IFI16: variants seen among roughly 807,000 people sequenced by gnomAD.
IFI16 encodes the protein interferon gamma inducible protein 16, also known as gamma-interferon-inducible protein 16.
IFI16 carries 49 observed loss-of-function variants against 68.4 expected under a neutral mutation model. That is an observed-to-expected ratio of 0.72 (90% confidence interval 0.57 to 0.91). IFI16 has a LOEUF of 0.91. Ranked by LOEUF, IFI16 falls within the 40% of genes least tolerant of loss-of-function variation. The probability of loss-of-function intolerance (pLI) is 0.00; values close to 1 mark genes in which losing one functional copy is unlikely to be tolerated. For synonymous variants in IFI16, 307 were observed against 315.0 expected, an observed-to-expected ratio of 0.97 and a Z score of 0.27; for missense variants, 878 against 942.9, an observed-to-expected ratio of 0.93 and a Z score of 0.90.
upstream of IFI16, among the ~76,000 whole-genome samples, chr1:159,008,320 T>C (rs977625588): frequency 1.3e-5 from 2 of 152,222 alleles, no homozygotes; most frequent in Admixed American, 1.3e-4. Context: ...ATTCTACTAA[T>C]GACTTTTCTG....
upstream of IFI16, among the ~76,000 whole-genome samples, chr1:159,008,105 C>A (rs1438671412): frequency 6.6e-6 from 1 of 151,902 alleles, no homozygotes; most frequent in Non-Finnish European, 1.5e-5. Context: ...GAAAATGAGG[C>A]CAGAAAGGTA....
chr1:159,012,012 A>C (rs856063), intron 1 of IFI16, among the ~76,000 whole-genome samples: 134,333 of 152,156 alleles, frequency 0.88, 61,754 homozygotes, highest in East Asian at 1. Flanking sequence ...TTTCTCTTAT[A>C]TTTGATCAGG....
At position 159,053,547 on chromosome 1, in the gene IFI16, T is replaced by C; in HGVS notation, c.2100T>C (p.Gly700=). Residue 700 remains glycine (G), a synonymous_variant, in exon 11 of 12, where the codon GGT becomes GGC. Coordinates refer to ENST00000295809, the MANE Select transcript of IFI16 (RefSeq NM_001376587.1). ...TTCTTTTGCAGAAAAATGTAAGGGGTGAATTCACTTATTATGAAATACAAG... is the reference window on the plus strand; with the variant it reads ...TTCTTTTGCAGAAAAATGTAAGGGGCGAATTCACTTATTATGAAATACAAG... ...VFEVHKKNVR[G]EFTYYEIQDN... 1 of 1,602,662 alleles carries C rather than the reference T, an allele frequency of 6.2e-7. No individual in the cohort carries two copies. Among genetic ancestry groups the C allele is most frequent in the African/African-American group, 1.3e-5 (1 of 74,690 alleles).
intron 8 of IFI16, among the ~76,000 whole-genome samples, chr1:159,048,689 G>T (rs1209741383): frequency 6.6e-6 from 1 of 151,392 alleles, no homozygotes; most frequent in African/African-American, 2.4e-5. Flanking sequence ...TGGCAAAACT[G>T]CTAAAATAAT....
chr1:159,016,519 C>G lies in IFI16; in HGVS notation c.382-14C>G, dbSNP rs369735646. On this transcript the variant is annotated splice_polypyrimidine_tract_variant and intron_variant, in intron 3 of 11. Coordinates refer to ENST00000295809, the MANE Select transcript of IFI16 (RefSeq NM_001376587.1). ...CACTGAAAACGAATAACAGGAAAAT[C>G]AAACCACTTTCAGAAAAGAAAAAAA... is the stretch of plus-strand genomic sequence containing the variant. 2.5e-6 allele frequency: 4 copies of G among 1,600,274 alleles called. No individual in the cohort carries two copies. The African/African-American group carries it at 4.1e-5, about 16-fold the overall frequency.
intron 6 of IFI16, among the ~76,000 whole-genome samples, chr1:159,024,577 A>G (rs182499270): frequency 3.9e-5 from 6 of 152,354 alleles, no homozygotes; most frequent in African/African-American, 1.2e-4. Context: ...GCCAGGCTGT[A>G]GGAGCAGAAA....
intron 6 of IFI16, among the ~76,000 whole-genome samples, chr1:159,025,793 T>C (rs7538035): frequency 0.28 from 43,051 of 152,172 alleles, 8,191 homozygotes; most frequent in African/African-American, 0.54. Flanking sequence ...CTAGAATCTT[T>C]ATGGTTTCTG....
chr1:159,050,487 A>C lies in IFI16; in HGVS notation c.1665+888A>C, dbSNP rs568540128. On this transcript the variant is annotated intron_variant, in intron 9 of 11. Coordinates refer to ENST00000295809, the MANE Select transcript of IFI16 (RefSeq NM_001376587.1). ...GAATGGGTTTCCTAATGTTATGGAA[A>C]ATTGGCCACATTGATGAGTTCATTA... Among the ~76,000 whole-genome samples, 10 of 152,270 alleles carry C rather than the reference A, an allele frequency of 6.6e-5. No individual in the cohort carries two copies. In the East Asian group the frequency reaches 1.5e-3, roughly 24 times the overall value.
chr1:159,044,727 A>T (rs1654874592), intron 7 of IFI16, among the ~76,000 whole-genome samples: 1 of 152,192 alleles, frequency 6.6e-6, no homozygotes, highest in Admixed American at 6.5e-5. Context: ...AATTCTTCTG[A>T]ATACAGCTAA....
At chr1:159,005,290 T>C (rs144874916), upstream of IFI16, among the ~76,000 whole-genome samples, 2,151 of 152,290 alleles carry the variant, frequency 0.014, 26 homozygotes, top group Non-Finnish European at 0.023. Flanking sequence ...AAAGTATGCA[T>C]GTCCATTACA....
chr1:159,032,146 A>G (rs1654037423), intron 6 of IFI16, among the ~76,000 whole-genome samples: 1 of 152,256 alleles, frequency 6.6e-6, no homozygotes, highest in Non-Finnish European at 1.5e-5. Flanking sequence ...TCACATGCAA[A>G]TGTTAAAATG....
At chr1:159,054,723 GAT>G (rs1655573421) in intron 11 of IFI16, 96 bp from the exon 12 acceptor site, 2 of 616,880 alleles carry the variant, frequency 3.2e-6, no homozygotes, top group Non-Finnish European at 6.0e-6. Flanking sequence ...TAGGGGAAGA[GAT>G]ATGGTGCAGG....
chr1:159,051,663 G>A lies in IFI16; in HGVS notation c.1666-16G>A, dbSNP rs1334094898. ...CTGTTTTAATTGTGCCTATGTTTTG[G>A]TCTCTACCTTCTAAGTTGAAACCAA... On this transcript the variant is annotated splice_polypyrimidine_tract_variant and intron_variant, in intron 9 of 11. Transcript: ENST00000295809. The A allele has an allele frequency of 6.3e-7, 1 of 1,599,012 alleles. No individual in the cohort carries two copies. The highest frequency in any genetic ancestry group is 1.1e-5 in the South Asian group (1 of 89,886).
At chr1:159,026,505 G>A (rs1488893326) in intron 6 of IFI16, among the ~76,000 whole-genome samples, 3 of 152,088 alleles carry the variant, frequency 2.0e-5, no homozygotes, top group Admixed American at 6.5e-5. Context: ...CACCGTGCTG[G>A]CCAGGCTGGT....
chr1:159,053,599 G>A lies in IFI16; in HGVS notation c.2152G>A (p.Val718Met). The change falls in exon 11 of 12, where the codon GTG (valine) becomes ATG (methionine). Residue 718 changes from valine (V) to methionine (M), a missense_variant. Coordinates refer to ENST00000295809, the MANE Select transcript of IFI16 (RefSeq NM_001376587.1). ...TAATACAGGGAAGATGGAAGTGGTG[G>A]TGCATGGACGACTGACCACAATCAA... is the stretch of plus-strand genomic sequence containing the variant. ...QDNTGKMEVV[V>M]HGRLTTINCE... The A allele has an allele frequency of 6.2e-7, 1 of 1,613,586 alleles. No homozygotes were observed. The highest frequency in any genetic ancestry group is 1.7e-4 in the Middle Eastern group (1 of 6,060).
intron 6 of IFI16, 75 bp from the exon 7 acceptor site, chr1:159,032,449 A>G: frequency 1.1e-6 from 1 of 870,058 alleles, no homozygotes; most frequent in South Asian, 2.1e-5. Flanking sequence ...ATAAAGGATG[A>G]TATTCTCACA....
At chr1:159,016,436 C>T (rs1396577545) in intron 3 of IFI16, 97 bp from the exon 4 acceptor site, 4 of 1,148,414 alleles carry the variant, frequency 3.5e-6, no homozygotes, top group Non-Finnish European at 4.9e-6. Context: ...CAAGAAACAT[C>T]TTCTTAGGAA....
In IFI16 at chr1:159,032,951, G is replaced by A. The variant is rs376367533; in HGVS notation, c.1329+260G>A. On this transcript the variant is annotated intron_variant, in intron 7 of 11. Coordinates refer to ENST00000295809, the MANE Select transcript of IFI16 (RefSeq NM_001376587.1). ...TATCTTGTATTGCTCCAGTTGTAGA[G>A]AGGGTAAGAGAGAGTGGCCAGACAA... Among the ~76,000 whole-genome samples, 6 of 152,040 alleles carry A rather than the reference G, an allele frequency of 3.9e-5. 1 individual carries two copies. The highest frequency in any genetic ancestry group is 1.4e-4 in the African/African-American group (6 of 41,472).
At chr1:159,011,100 G>A (rs1263590889) in intron 1 of IFI16, among the ~76,000 whole-genome samples, 1 of 151,782 alleles carries the variant, frequency 6.6e-6, no homozygotes, top group Non-Finnish European at 1.5e-5. Context: ...TTGCTTTTTT[G>A]GCCGGGCACA....
Sources: gnomAD v4.1 joint callset for allele counts (sites outside exome capture counted in the v4.1 genomes callset) on GRCh38, gnomAD v4.1.1 for gene constraint, MANE v1.5 for transcripts, NCBI Gene and HGNC (gene_info 2026-07-23, HGNC 2026-07-21) for gene names.